KCNT1: variants seen among roughly 807,000 people sequenced by gnomAD.
KCNT1 encodes potassium sodium-activated channel subfamily T member 1.
KCNT1 carries 78 observed loss-of-function variants against 147.8 expected under a neutral mutation model. The observed-to-expected ratio is 0.53, with a 90% confidence interval of 0.44 to 0.64. The LOEUF (loss-of-function observed/expected upper bound fraction) is 0.64. Among genes scored for constraint, KCNT1 ranks in the 30% least tolerant of loss-of-function variants. The probability of loss-of-function intolerance (pLI) is 0.00; values close to 1 mark genes in which losing one functional copy is unlikely to be tolerated. For synonymous variants in KCNT1, 867 were observed against 748.8 expected (o/e 1.16, Z -2.58); for missense variants, 1,419 against 1,750.3 (o/e 0.81, Z 3.38).
chr9:135,762,460 A>C (rs4841894), intron 11 of KCNT1, among the ~76,000 whole-genome samples: 28,625 of 152,002 alleles, frequency 0.19, 3,021 homozygotes, highest in African/African-American at 0.28. Flanking sequence ...AAGAAAAAGA[A>C]AAAAGGGCCA....
At chr9:135,737,183 G>A (rs1466374558) in intron 2 of KCNT1, among the ~76,000 whole-genome samples, 2 of 152,256 alleles carry the variant, frequency 1.3e-5, no homozygotes, top group Admixed American at 1.3e-4. Flanking sequence ...GAGTGAGGCC[G>A]AAGCCTGCAC....
chr9:135,719,935 G>A (rs1466262208), intron 2 of KCNT1, among the ~76,000 whole-genome samples: 2 of 152,198 alleles, frequency 1.3e-5, no homozygotes, highest in African/African-American at 4.8e-5. Context: ...AACAGAGAAC[G>A]GAACTTGACT....
In KCNT1 at chr9:135,765,695, G is replaced by A; in HGVS notation, c.1272G>A (p.Leu424=). 6.2e-7 allele frequency: 1 copy of A among 1,610,982 alleles called. No individual in the cohort carries two copies. The highest frequency in any genetic ancestry group is 8.5e-7 in the Non-Finnish European group (1 of 1,179,018). The part of the protein sequence containing the change: ...VQVRRVLQIP[L]WSQRVIYLQG... ...TGCGCAGAGTCCTGCAGATCCCTCTGTGGTCCCAGCGGGTCATCTACCTCC... is the reference window on the plus strand; with the variant it reads ...TGCGCAGAGTCCTGCAGATCCCTCTATGGTCCCAGCGGGTCATCTACCTCC... Residue 424 remains leucine (L), a synonymous_variant, in exon 13 of 31, where the codon CTG becomes CTA. Transcript: ENST00000371757.
Position 135,777,389 on chromosome 9 carries a change from A to G in KCNT1, c.2401A>G (p.Lys801Glu). 1.9e-6 allele frequency: 3 copies of G among 1,614,098 alleles called. No individual in the cohort carries two copies. The highest frequency in any genetic ancestry group is 2.5e-6 in the Non-Finnish European group (3 of 1,179,968). The change falls in exon 21 of 31, where the codon AAG becomes GAG. Residue 801 changes from lysine to glutamate, a missense_variant. Physicochemically the swap from Lys to Glu is moderately conservative, Grantham distance 56. This residue lies in a region of KCNT1 where 247 missense variants were observed against 397.1 expected (regional missense o/e 0.62). Transcript: ENST00000371757. Reference sequence around the variant, plus strand: ...CGCCAAGGCCTACGGGTTCAAGAACAAGCTGATCATCGTCTCGGCAGAGAC... The same window carrying G: ...CGCCAAGGCCTACGGGTTCAAGAACGAGCTGATCATCGTCTCGGCAGAGAC... ...EDAKAYGFKN[K>E]LIIVSAETAG...
rs187867445 is a variant in KCNT1 at position 135,767,556 on chromosome 9, T to C, written c.1338-1054T>C. On this transcript the variant is annotated intron_variant, in intron 13 of 30. Transcript: ENST00000371757. ...AGCGGACAGGGTCTCTGCCCCCAGA[T>C]TCCCCCCTCCCTCCTGCACCCCAAC... 6.8e-4 allele frequency among the ~76,000 whole-genome samples: 103 copies of C among 151,274 alleles called. 2 individuals are homozygous for C. Among genetic ancestry groups the C allele is most frequent in the Admixed American group, 6.5e-3 (99 of 15,252 alleles).
rs1316021619 is a variant in KCNT1, at chr9:135,794,915, C to T, written c.*2754C>T. 6.6e-6 allele frequency: 1 copy of T among 152,126 alleles called. No individual in the cohort carries two copies. The highest frequency in any genetic ancestry group is 2.4e-5 in the African/African-American group (1 of 41,400). 9.4% of individuals were successfully genotyped at this position (152,126 alleles called of 1,614,324 possible). The stretch of plus-strand genomic sequence containing the variant: ...TCTCCCAGCCTCGTGTCCTGCTGAC[C>T]CATAAAAGGTCCCCCTGCAAAGTAC... On this transcript the variant is annotated 3_prime_UTR_variant, in exon 31 of 31. Coordinates refer to ENST00000371757, the MANE Select transcript of KCNT1 (RefSeq NM_020822.3).
chr9:135,745,928 A>C (rs1308659120), intron 2 of KCNT1, among the ~76,000 whole-genome samples: 2 of 152,024 alleles, frequency 1.3e-5, no homozygotes, highest in Non-Finnish European at 2.9e-5. Flanking sequence ...GGCTTGGGCC[A>C]CTCTGGCAGG....
chr9:135,751,239 G>A (rs1008158888), intron 4 of KCNT1, among the ~76,000 whole-genome samples, 198 bp downstream of exon 4: 10 of 152,160 alleles, frequency 6.6e-5, no homozygotes, highest in South Asian at 2.1e-4. Context: ...ACGGCTCAGC[G>A]TAGGGAGAAG....
intron 24 of KCNT1, among the ~76,000 whole-genome samples, chr9:135,780,426 C>G (rs560504714): frequency 6.6e-6 from 1 of 152,204 alleles, no homozygotes; most frequent in African/African-American, 2.4e-5. Context: ...GCACTCCCTG[C>G]GACACGGACA....
Position 135,786,378 on chromosome 9 carries a change from C to T in KCNT1, c.3359C>T (p.Ala1120Val), listed in dbSNP as rs745484103. The part of the protein sequence containing the change: ...LQWARRLSRK[A>V]PKQAGRAAAA... ...TGGGCCCGGAGGCTGAGCCGCAAGGCGCCCAAGCAGGCAGGCCGGGCGGCG... is the reference window on the plus strand; with the variant it reads ...TGGGCCCGGAGGCTGAGCCGCAAGGTGCCCAAGCAGGCAGGCCGGGCGGCG... The change falls in exon 29 of 31, where the codon GCG becomes GTG. Residue 1120 changes from alanine (A) to valine (V), a missense_variant. Ala to Val is a moderately conservative substitution (Grantham distance 64, BLOSUM62 0). Coordinates refer to ENST00000371757, the MANE Select transcript of KCNT1 (RefSeq NM_020822.3). 94 of 1,577,484 alleles carry T rather than the reference C, an allele frequency of 6.0e-5. No individual in the cohort carries two copies. The highest frequency in any genetic ancestry group is 2.0e-4 in the Middle Eastern group (1 of 5,116).
chr9:135,740,083 C>A (rs1830500618), intron 2 of KCNT1, among the ~76,000 whole-genome samples: 1 of 152,050 alleles, frequency 6.6e-6, no homozygotes, highest in South Asian at 2.1e-4. Context: ...TGTCTGTGTC[C>A]TCATCTCTTC....
intron 20 of KCNT1, among the ~76,000 whole-genome samples, chr9:135,775,878 C>T (rs191781697): frequency 1.8e-4 from 28 of 152,300 alleles, no homozygotes; most frequent in African/African-American, 6.5e-4. Flanking sequence ...GAGCCTGTCC[C>T]GGCTGCGTCT....
chr9:135,736,700 G>A (rs1830356246), intron 2 of KCNT1: 4 of 351,382 alleles, frequency 1.1e-5, no homozygotes, highest in Middle Eastern at 7.4e-4. Context: ...GCCCCAGCCG[G>A]CGCCGCAGCC....
Position 135,714,764 on chromosome 9 carries a change from C to A in KCNT1, c.254+44C>A. Reference sequence around the variant, plus strand: ...GTGGGGGCTGGGGTCGCCGTCCCGGCGCCGCCGCACGCCCGGAGCTGTCCG... The same window carrying A: ...GTGGGGGCTGGGGTCGCCGTCCCGGAGCCGCCGCACGCCCGGAGCTGTCCG... On this transcript the variant is annotated intron_variant, in intron 2 of 30. Transcript: ENST00000371757. The surrounding 1 kb of genome is among the most constrained non-coding windows in gnomAD (Gnocchi z 6.2). The A allele has an allele frequency of 8.5e-7, 1 of 1,182,508 alleles. No homozygotes were observed. The highest frequency in any genetic ancestry group is 1.6e-5 in the African/African-American group (1 of 61,126). 73.3% of individuals were successfully genotyped at this position (1,182,508 alleles called of 1,614,324 possible).
intron 2 of KCNT1, among the ~76,000 whole-genome samples, chr9:135,745,624 G>A (rs1293025496): frequency 6.6e-6 from 1 of 152,250 alleles, no homozygotes; most frequent in Admixed American, 6.5e-5. Flanking sequence ...GGGACACAGA[G>A]GCCATTGTTT....
chr9:135,724,026 C>G (rs1203715757), intron 2 of KCNT1, among the ~76,000 whole-genome samples: 1 of 152,190 alleles, frequency 6.6e-6, no homozygotes, highest in Non-Finnish European at 1.5e-5. Context: ...TAAGAGGCCC[C>G]GGGAAGCTCC....
At chr9:135,792,015 C>A (rs553714953) in intron 30 of KCNT1, 26 bp from the exon 31 acceptor site, 12 of 1,603,442 alleles carry the variant, frequency 7.5e-6, no homozygotes, top group Middle Eastern at 1.7e-4. Flanking sequence ...CACATCCACT[C>A]CAGGGTCCTC....
In KCNT1 at chr9:135,786,535, G is replaced by A; in HGVS notation, c.3502+14G>A. ...CCACCGGCTACGGTAAGGGCACACG[G>A]CGCGGGTGGGGGCCGGACGGACGGA... is the stretch of plus-strand genomic sequence containing the variant. On this transcript the variant is annotated intron_variant, in intron 29 of 30. Coordinates refer to ENST00000371757, the MANE Select transcript of KCNT1 (RefSeq NM_020822.3). 1 of 1,571,514 alleles carries A rather than the reference G, an allele frequency of 6.4e-7. No homozygotes were observed. Among genetic ancestry groups the A allele is most frequent in the Non-Finnish European group, 8.6e-7 (1 of 1,163,498 alleles).
intron 13 of KCNT1, among the ~76,000 whole-genome samples, chr9:135,767,692 C>T (rs1013790168): frequency 6.6e-6 from 1 of 152,164 alleles, no homozygotes; most frequent in Non-Finnish European, 1.5e-5. Flanking sequence ...CTGCTCCTGC[C>T]AACCCTGGAC....
Sources: gnomAD v4.1 joint callset for allele counts (sites outside exome capture counted in the v4.1 genomes callset) on GRCh38, gnomAD v4.1.1 for gene constraint, gnomAD v4.1.1 regional missense constraint, Gnocchi (gnomAD v3.1) non-coding constraint, MANE v1.5 for transcripts, NCBI Gene and HGNC (gene_info 2026-07-23, HGNC 2026-07-21) for gene names.